The following EPHA6 variants were observed in gnomAD, a reference collection of about 807,000 sequenced individuals.
The protein encoded by EPHA6 is ephrin type-A receptor 6.
Under a neutral mutation model 112.0 loss-of-function variants are expected in EPHA6, and 50 were observed. That is an observed-to-expected ratio of 0.45 (90% confidence interval 0.36 to 0.56). EPHA6 has a LOEUF of 0.56. EPHA6 is among the 20% of genes least tolerant of loss of function. EPHA6 has a pLI of 0.00. For missense variants in EPHA6, 1,280 were observed against 1,417.4 expected (o/e 0.90, Z 1.56); for synonymous variants, 529 against 490.7 (o/e 1.08, Z -1.03).
chr3:96,995,187 T>TGTTTATG (rs927055160), intron 3 of EPHA6, among the ~76,000 whole-genome samples: 4 of 152,088 alleles, frequency 2.6e-5, no homozygotes, highest in African/African-American at 9.7e-5. Context: ...TTATGCTGTG[T>TGTTTATG]GTTTATGATC....
chr3:97,009,833 G>C (rs1410650924), intron 3 of EPHA6, among the ~76,000 whole-genome samples: 1 of 152,188 alleles, frequency 6.6e-6, no homozygotes, highest in Non-Finnish European at 1.5e-5. Flanking sequence ...TGGCTGGAGG[G>C]AACAGACTCC....
At chr3:97,658,780 A>G (rs975874008) in intron 14 of EPHA6, among the ~76,000 whole-genome samples, 1 of 151,908 alleles carries the variant, frequency 6.6e-6, no homozygotes, top group Non-Finnish European at 1.5e-5. Flanking sequence ...TGAGGGGGAA[A>G]AAGACATAAA....
chr3:97,501,651 T>A (rs1440913079), intron 10 of EPHA6, among the ~76,000 whole-genome samples: 1 of 152,034 alleles, frequency 6.6e-6, no homozygotes, highest in African/African-American at 2.4e-5. Flanking sequence ...TGAAAAAAAC[T>A]ACATCTTAAA....
intron 5 of EPHA6, among the ~76,000 whole-genome samples, chr3:97,359,844 G>C (rs2084279689): frequency 6.6e-6 from 1 of 151,940 alleles, no homozygotes; most frequent in Admixed American, 6.6e-5. Context: ...TCTTCTCAGG[G>C]CTTTTCTAAG....
chr3:97,433,266 T>C (rs2107242220), intron 6 of EPHA6, among the ~76,000 whole-genome samples: 1 of 152,298 alleles, frequency 6.6e-6, no homozygotes, highest in East Asian at 1.9e-4. Context: ...TCTCTTACCT[T>C]ACATAGTAAA....
intron 14 of EPHA6, among the ~76,000 whole-genome samples, chr3:97,672,245 A>G (rs2030921551): frequency 6.6e-6 from 1 of 152,186 alleles, no homozygotes; most frequent in Admixed American, 6.6e-5. Context: ...CTACCAAATA[A>G]TATTCCAGCT....
At chr3:97,298,779 C>G (rs1283896855) in intron 5 of EPHA6, among the ~76,000 whole-genome samples, 1 of 151,828 alleles carries the variant, frequency 6.6e-6, no homozygotes, top group Non-Finnish European at 1.5e-5. Context: ...GATTGATTTT[C>G]TTCTAAAAAA....
intron 3 of EPHA6, among the ~76,000 whole-genome samples, chr3:96,999,096 T>C (rs2043532765): frequency 6.6e-6 from 1 of 151,972 alleles, no homozygotes; most frequent in Non-Finnish European, 1.5e-5. Context: ...TGGATCAAAT[T>C]AATCTGATTA....
At chr3:96,852,498 G>A (rs1435563529) in intron 1 of EPHA6, among the ~76,000 whole-genome samples, 1 of 150,708 alleles carries the variant, frequency 6.6e-6, no homozygotes, top group Non-Finnish European at 1.5e-5. Flanking sequence ...GTCTCCATAA[G>A]TTCCTTTATA....
In EPHA6 at chr3:97,560,542, A is replaced by T. The variant is rs561029254; in HGVS notation, c.2386+27999A>T. 3.3e-5 allele frequency: 5 copies of T among 152,170 alleles called. No individual in the cohort carries two copies. In the South Asian group the frequency reaches 1.0e-3, roughly 32 times the overall value. The allele number at this position is 152,170 out of a possible 1,614,324, so 9.4% of individuals were successfully genotyped here. On this transcript the variant is annotated intron_variant, in intron 11 of 17. Transcript: ENST00000389672. Reference sequence around the variant, plus strand: ...ACTGTATTGGACAACACAAACATAGAATATTTTCATCATTGCTGAAAATTG... The same window carrying T: ...ACTGTATTGGACAACACAAACATAGTATATTTTCATCATTGCTGAAAATTG...
At chr3:97,526,409 G>C (rs1320736896) in intron 10 of EPHA6, among the ~76,000 whole-genome samples, 1 of 152,206 alleles carries the variant, frequency 6.6e-6, no homozygotes. Context: ...AGCTGGGAGG[G>C]ACTGAAACCA....
chr3:97,435,252 G>A (rs901459703), intron 6 of EPHA6, among the ~76,000 whole-genome samples: 11 of 152,072 alleles, frequency 7.2e-5, no homozygotes, highest in South Asian at 2.1e-4. Flanking sequence ...TATTTGCTTC[G>A]CTTCTCATTT....
intron 2 of EPHA6, among the ~76,000 whole-genome samples, chr3:96,900,668 A>G (rs2038555675): frequency 6.6e-6 from 1 of 152,252 alleles, no homozygotes; most frequent in East Asian, 1.9e-4. Flanking sequence ...ACAGAGTGTT[A>G]CTGAATAAGA....
chr3:97,134,999 A>T (rs1381636935), intron 3 of EPHA6, among the ~76,000 whole-genome samples: 1 of 152,170 alleles, frequency 6.6e-6, no homozygotes, highest in Admixed American at 6.6e-5. Flanking sequence ...GGCAGATAAG[A>T]GGAATTCAGA....
intron 2 of EPHA6, among the ~76,000 whole-genome samples, chr3:96,879,502 G>A (rs1473914737): frequency 2.0e-5 from 3 of 152,054 alleles, no homozygotes; most frequent in African/African-American, 7.2e-5. Context: ...GACAAAGTTA[G>A]AGTTAGGAGG....
chr3:97,321,469 G>A (rs191120163), intron 5 of EPHA6, among the ~76,000 whole-genome samples: 2 of 151,992 alleles, frequency 1.3e-5, no homozygotes, highest in East Asian at 3.9e-4. Context: ...AAATCAATAT[G>A]CAATTTATTA....
intron 1 of EPHA6, among the ~76,000 whole-genome samples, chr3:96,821,020 T>C (rs928279759): frequency 6.4e-4 from 98 of 152,074 alleles, no homozygotes; most frequent in African/African-American, 2.3e-3. Flanking sequence ...TCAGATACTT[T>C]CAATTATACT....
rs10707202 is a variant in EPHA6 at position 97,186,212 on chromosome 3, T to TA, written c.1115-40043dup. ...ATGTACCCTAAAACTTAAAGTATAATAAAAAAAAATGTCATCCTCAAGAAC... is the reference window on the plus strand; with the variant it reads ...ATGTACCCTAAAACTTAAAGTATAATAAAAAAAAAATGTCATCCTCAAGAAC... On this transcript the variant is annotated intron_variant, in intron 3 of 17. Transcript: ENST00000389672. Among the ~76,000 whole-genome samples the TA allele has an allele frequency of 8.5e-4, 128 of 151,450 alleles. 1 individual carries two copies. Among genetic ancestry groups the TA allele is most frequent in the Middle Eastern group, 3.4e-3 (1 of 292 alleles).
At chr3:97,691,342 T>A (rs2032652301) in intron 14 of EPHA6, among the ~76,000 whole-genome samples, 1 of 152,246 alleles carries the variant, frequency 6.6e-6, no homozygotes, top group Non-Finnish European at 1.5e-5. Flanking sequence ...GATTATTGTG[T>A]CTTTGTAGCA....
Sources: gnomAD v4.1 joint callset for allele counts (sites outside exome capture counted in the v4.1 genomes callset) on GRCh38, gnomAD v4.1.1 for gene constraint, MANE v1.5 for transcripts, NCBI Gene and HGNC (gene_info 2026-07-23, HGNC 2026-07-21) for gene names.